KIAA1958: variants seen among roughly 807,000 people sequenced by gnomAD.
KIAA1958 encodes KIAA1958.
Under a neutral mutation model 47.2 loss-of-function variants are expected in KIAA1958, and 14 were observed. That is an observed-to-expected ratio of 0.30 (90% confidence interval 0.20 to 0.46). The LOEUF is 0.46. Ranked by LOEUF, KIAA1958 falls within the 20% of genes least tolerant of loss-of-function variation. KIAA1958 has a pLI of 1.00. For synonymous variants in KIAA1958, 354 were observed against 353.3 expected (o/e 1.00, Z -0.02); for missense variants, 803 against 909.2 (o/e 0.88, Z 1.50).
chr9:112,548,970 C>G (rs1485570520), intron 1 of KIAA1958, among the ~76,000 whole-genome samples: 1 of 152,142 alleles, frequency 6.6e-6, no homozygotes, highest in East Asian at 1.9e-4. Context: ...AGGAGAGAGG[C>G]CTTGGGATAA....
chr9:112,562,363 A>G (rs1380778685), intron 1 of KIAA1958, among the ~76,000 whole-genome samples: 2 of 152,210 alleles, frequency 1.3e-5, no homozygotes, highest in Non-Finnish European at 2.9e-5. Context: ...TCACATAGCT[A>G]GCAAGTGGCC....
chr9:112,492,532 C>G (rs1239674464), intron 1 of KIAA1958, among the ~76,000 whole-genome samples: 1 of 152,188 alleles, frequency 6.6e-6, no homozygotes, highest in African/African-American at 2.4e-5. Context: ...GCCTTTCATG[C>G]ATGTATACCT....
chr9:112,491,451 C>T (rs1401375518), intron 1 of KIAA1958, among the ~76,000 whole-genome samples: 1 of 152,134 alleles, frequency 6.6e-6, no homozygotes, highest in African/African-American at 2.4e-5. Flanking sequence ...TAGCTTTCTC[C>T]TTCACCTTAC....
At chr9:112,535,176 A>G (rs10116731) in intron 1 of KIAA1958, among the ~76,000 whole-genome samples, 145,439 of 152,286 alleles carry the variant, frequency 0.96, 69,525 homozygotes, top group African/African-American at 0.99. Flanking sequence ...TTGTACAATA[A>G]AGCTCTTGAA....
Position 112,618,011 on chromosome 9 carries a change from T to C in KIAA1958, c.1172-27639T>C. The C allele has an allele frequency of 6.4e-7, 1 of 1,550,600 alleles. No individual in the cohort carries two copies. On this transcript the variant is annotated intron_variant, in intron 2 of 3. Coordinates refer to ENST00000337530, the MANE Select transcript of KIAA1958 (RefSeq NM_133465.4). This position sits in a 1 kb window ranked among gnomAD's most constrained non-coding sequence, Gnocchi z 7.1. The stretch of plus-strand genomic sequence containing the variant: ...AACAAGAGAGATTTATGTCATCCCT[T>C]GCAAGGAGTTGGATGCCTACCTTGC...
chr9:112,530,724 T>C (rs1478928634), intron 1 of KIAA1958, among the ~76,000 whole-genome samples: 6 of 152,222 alleles, frequency 3.9e-5, no homozygotes, highest in Admixed American at 1.3e-4. Flanking sequence ...CAGAGACATT[T>C]ATGGTTGCCA....
intron 1 of KIAA1958, among the ~76,000 whole-genome samples, chr9:112,556,544 A>G (rs1469026370): frequency 6.6e-6 from 1 of 152,184 alleles, no homozygotes; most frequent in Non-Finnish European, 1.5e-5. Context: ...TGTGTTGCCC[A>G]GGCTGTTCTC....
At chr9:112,496,595 C>T (rs961811101) in intron 1 of KIAA1958, among the ~76,000 whole-genome samples, 5 of 152,170 alleles carry the variant, frequency 3.3e-5, no homozygotes, top group Admixed American at 2.0e-4. Flanking sequence ...AATGTGGCTT[C>T]TTGATGTGAC....
intron 1 of KIAA1958, among the ~76,000 whole-genome samples, chr9:112,524,435 G>C (rs1205138056): frequency 2.0e-5 from 3 of 152,254 alleles, no homozygotes. Flanking sequence ...GACTGTGACT[G>C]AGAAAGCGGC....
chr9:112,494,020 C>T (rs1451275250), intron 1 of KIAA1958, among the ~76,000 whole-genome samples: 2 of 152,178 alleles, frequency 1.3e-5, no homozygotes, highest in Non-Finnish European at 2.9e-5. Context: ...ACTTAATTTA[C>T]AGAACCAGGC....
intron 1 of KIAA1958, among the ~76,000 whole-genome samples, chr9:112,489,999 A>AT (rs557404420): frequency 1.5e-3 from 228 of 152,254 alleles, no homozygotes; most frequent in African/African-American, 4.8e-3. Context: ...TCTTTTTGAC[A>AT]TTTTTTTGTA....
intron 2 of KIAA1958, among the ~76,000 whole-genome samples, chr9:112,600,069 A>G (rs1001242406): frequency 6.6e-6 from 1 of 152,198 alleles, no homozygotes. Flanking sequence ...TTTGGCCGAG[A>G]CGAAAGTGCT....
chr9:112,544,811 T>C (rs1397973766), intron 1 of KIAA1958, among the ~76,000 whole-genome samples: 4 of 152,230 alleles, frequency 2.6e-5, no homozygotes, highest in Non-Finnish European at 5.9e-5. Flanking sequence ...TATTTTTGCC[T>C]TGGAGGCTTT....
At chr9:112,500,080 T>C (rs1177245694) in intron 1 of KIAA1958, among the ~76,000 whole-genome samples, 1 of 152,108 alleles carries the variant, frequency 6.6e-6, no homozygotes, top group African/African-American at 2.4e-5. Flanking sequence ...CTCAGAAGTT[T>C]AGGGGTTTTC....
intron 1 of KIAA1958, among the ~76,000 whole-genome samples, chr9:112,511,638 T>G (rs1834327513): frequency 6.6e-6 from 1 of 152,092 alleles, no homozygotes; most frequent in Admixed American, 6.5e-5. Flanking sequence ...ATTAGAATAC[T>G]AAACAAACAG....
At chr9:112,619,893 C>T (rs1203329294) in intron 2 of KIAA1958, among the ~76,000 whole-genome samples, 1 of 152,064 alleles carries the variant, frequency 6.6e-6, no homozygotes, top group Non-Finnish European at 1.5e-5. Flanking sequence ...GTTCATATTC[C>T]CTGAATTATT....
At position 112,602,980 on chromosome 9, in the gene KIAA1958, C is replaced by T. The variant is rs1028395681; in HGVS notation, c.1171+27729C>T. 3.9e-4 allele frequency among the ~76,000 whole-genome samples: 60 copies of T among 152,154 alleles called. 1 individual carries two copies. Among genetic ancestry groups the T allele is most frequent in the African/African-American group, 1.4e-3 (60 of 41,450 alleles). ...CTCCCTTTCTGCTTTGGTGTTAATT[C>T]AGTCAACAAATACTTATTGAATCCT... On this transcript the variant is annotated intron_variant, in intron 2 of 3. Transcript: ENST00000337530.
In KIAA1958 at chr9:112,667,912, G is replaced by C. The variant is rs1837371974; in HGVS notation, c.*7843G>C. 1 of 152,168 alleles carries C rather than the reference G, an allele frequency of 6.6e-6. No individual in the cohort carries two copies. The highest frequency in any genetic ancestry group is 2.1e-4 in the South Asian group (1 of 4,832). The allele number at this position is 152,168 out of a possible 1,614,324, so 9.4% of individuals were successfully genotyped here. ...TTAAATACCAGGACATTATCCACTA[G>C]AGGAAGGGTATGTATGCTTTTAAAT... is the stretch of plus-strand genomic sequence containing the variant. On this transcript the variant is annotated 3_prime_UTR_variant, in exon 4 of 4. Coordinates refer to ENST00000337530, the MANE Select transcript of KIAA1958 (RefSeq NM_133465.4).
intron 1 of KIAA1958, among the ~76,000 whole-genome samples, chr9:112,492,070 T>C (rs1159415980): frequency 6.6e-6 from 1 of 152,208 alleles, no homozygotes; most frequent in Non-Finnish European, 1.5e-5. Context: ...GAGTTGACAA[T>C]ATGTGTGAAT....
Sources: gnomAD v4.1 joint callset for allele counts (sites outside exome capture counted in the v4.1 genomes callset) on GRCh38, gnomAD v4.1.1 for gene constraint, Gnocchi (gnomAD v3.1) non-coding constraint, MANE v1.5 for transcripts, NCBI Gene and HGNC (gene_info 2026-07-23, HGNC 2026-07-21) for gene names.